MACROD2: variants seen among roughly 807,000 people sequenced by gnomAD.
The protein encoded by MACROD2 is ADP-ribose glycohydrolase MACROD2.
In MACROD2, 36 loss-of-function variants were observed where a neutral mutation model predicts 70.4. The ratio of observed to expected loss-of-function variants is 0.51; its 90% confidence interval spans 0.39 to 0.68. The LOEUF (loss-of-function observed/expected upper bound fraction) is 0.68, where lower values mean the gene tolerates loss of function less well. Ranked by LOEUF, MACROD2 falls within the 30% of genes least tolerant of loss-of-function variation. The pLI, the probability that MACROD2 is intolerant of heterozygous loss-of-function variation, is 0.00. For missense variants in MACROD2, 496 were observed against 538.4 expected (o/e 0.92, Z 0.78); for synonymous variants, 172 against 178.8 (o/e 0.96, Z 0.30).
chr20:14,488,179 CAAGTT>C (rs532055128), intron 3 of MACROD2, among the ~76,000 whole-genome samples: 1 of 152,160 alleles, frequency 6.6e-6, no homozygotes, highest in Non-Finnish European at 1.5e-5. Flanking sequence ...TTGTCAAAGA[CAAGTT>C]AAAACTGCTG....
At position 14,066,284 on chromosome 20, in the gene MACROD2, C is replaced by T. The variant is rs150199362; in HGVS notation, c.164-19337C>T. 2.0e-3 allele frequency among the ~76,000 whole-genome samples: 306 copies of T among 152,220 alleles called. 1 individual carries two copies. The highest frequency in any genetic ancestry group is 6.8e-3 in the African/African-American group (281 of 41,536). On this transcript the variant is annotated intron_variant, in intron 2 of 17. Transcript: ENST00000684519. ...CTTAAGCATAAACACATTCTGTAAT[C>T]AATCAATTCTATATTTATTGGGCAT...
At chr20:14,476,392 G>A (rs886803793) in intron 3 of MACROD2, among the ~76,000 whole-genome samples, 3 of 152,256 alleles carry the variant, frequency 2.0e-5, no homozygotes, top group African/African-American at 7.2e-5. Context: ...GTCTCCCTCT[G>A]TCACCCAGGC....
intron 5 of MACROD2, among the ~76,000 whole-genome samples, chr20:15,001,181 A>G (rs537737354): frequency 4.9e-4 from 74 of 152,294 alleles, no homozygotes; most frequent in African/African-American, 1.6e-3. Flanking sequence ...GGGAAATGCA[A>G]GGACCCAGAA....
At chr20:14,864,728 A>C (rs984608421) in intron 5 of MACROD2, among the ~76,000 whole-genome samples, 10 of 152,120 alleles carry the variant, frequency 6.6e-5, no homozygotes, top group Non-Finnish European at 1.5e-4. Context: ...CTGAGAAAGC[A>C]GTGGCTCTGA....
At chr20:15,405,632 T>C (rs1345339417) in intron 6 of MACROD2, among the ~76,000 whole-genome samples, 1 of 152,198 alleles carries the variant, frequency 6.6e-6, no homozygotes, top group Non-Finnish European at 1.5e-5. Flanking sequence ...TACTCCTTTC[T>C]GTGGGAATCC....
At chr20:15,388,723 G>A (rs538407381) in intron 6 of MACROD2, among the ~76,000 whole-genome samples, 1 of 152,142 alleles carries the variant, frequency 6.6e-6, no homozygotes, top group Non-Finnish European at 1.5e-5. Context: ...AGGAGATTCA[G>A]GTAGACAGCT....
At chr20:14,533,810 G>A (rs2085333997) in intron 4 of MACROD2, among the ~76,000 whole-genome samples, 1 of 152,112 alleles carries the variant, frequency 6.6e-6, no homozygotes, top group Non-Finnish European at 1.5e-5. Context: ...TCACAGTCCA[G>A]GTAAAGAATT....
At chr20:14,215,218 A>G (rs2081608311) in intron 3 of MACROD2, among the ~76,000 whole-genome samples, 1 of 145,862 alleles carries the variant, frequency 6.9e-6, no homozygotes, top group South Asian at 2.1e-4. Flanking sequence ...CATCATATAT[A>G]TATTTTCCAT....
intron 2 of MACROD2, among the ~76,000 whole-genome samples, chr20:14,044,868 G>C (rs536422407): frequency 2.6e-5 from 4 of 152,190 alleles, no homozygotes; most frequent in East Asian, 1.9e-4. Context: ...ACTGGGTGCC[G>C]TAGAGCAGGG....
At chr20:14,277,485 C>T (rs2082269675) in intron 3 of MACROD2, among the ~76,000 whole-genome samples, 1 of 151,976 alleles carries the variant, frequency 6.6e-6, no homozygotes. Flanking sequence ...AAAATGGTTT[C>T]CAAAAAGCTA....
At position 14,547,203 on chromosome 20, in the gene MACROD2, T is replaced by G. The variant is rs887355108; in HGVS notation, c.301+53695T>G. ...GCCTGGCTCAATTAATCTTATAGGA[T>G]GTAAGCAGTGCTGCATCAACTGGCT... On this transcript the variant is annotated intron_variant, in intron 4 of 17. Transcript: ENST00000684519. 3 of 493,658 alleles carry G rather than the reference T, an allele frequency of 6.1e-6. No homozygotes were observed. The African/African-American group carries it at 6.2e-5, about 10-fold the overall frequency. The allele number at this position is 493,658 out of a possible 1,614,324, so 30.6% of individuals were successfully genotyped here. A position where few individuals can be genotyped will look rare whatever the true frequency, so the allele number is the denominator to read the frequency against.
intron 5 of MACROD2, among the ~76,000 whole-genome samples, chr20:15,117,241 T>C (rs2075997854): frequency 6.6e-6 from 1 of 152,130 alleles, no homozygotes; most frequent in South Asian, 2.1e-4. Context: ...GAAGAGTAGA[T>C]TTTTGAAAGT....
intron 3 of MACROD2, among the ~76,000 whole-genome samples, chr20:14,198,956 T>A (rs2081456386): frequency 6.6e-6 from 1 of 152,158 alleles, no homozygotes. Context: ...AATTTCTCTC[T>A]TACCTTCTCG....
chr20:16,020,829 T>C (rs2066991852), intron 15 of MACROD2, among the ~76,000 whole-genome samples: 1 of 152,066 alleles, frequency 6.6e-6, no homozygotes, highest in Non-Finnish European at 1.5e-5. Flanking sequence ...TCGGCTCTGG[T>C]CACAGTCAGC....
At chr20:15,577,183 C>G (rs2048459878) in intron 8 of MACROD2, among the ~76,000 whole-genome samples, 1 of 151,770 alleles carries the variant, frequency 6.6e-6, no homozygotes. Flanking sequence ...CAGAAGCAAT[C>G]ACTCTTTTTT....
chr20:15,710,719 G>GA (rs2050614215), intron 8 of MACROD2, among the ~76,000 whole-genome samples: 2 of 152,204 alleles, frequency 1.3e-5, no homozygotes, highest in Admixed American at 6.5e-5. Context: ...GCATAAACCT[G>GA]AAAAAAGCAA....
At chr20:15,124,420 G>T (rs2076052210) in intron 5 of MACROD2, among the ~76,000 whole-genome samples, 2 of 146,802 alleles carry the variant, frequency 1.4e-5, no homozygotes, top group Middle Eastern at 3.6e-3. Flanking sequence ...AAAGTCATTT[G>T]GTCATCTGTT....
At chr20:14,425,454 A>G (rs1382383876) in intron 3 of MACROD2, among the ~76,000 whole-genome samples, 1 of 152,234 alleles carries the variant, frequency 6.6e-6, no homozygotes, top group Non-Finnish European at 1.5e-5. Flanking sequence ...AACTAGACAT[A>G]TAACAGCTAC....
intron 4 of MACROD2, among the ~76,000 whole-genome samples, chr20:14,579,036 AC>A (rs1234619096): frequency 6.6e-6 from 1 of 151,166 alleles, no homozygotes; most frequent in Non-Finnish European, 1.5e-5. Context: ...CCTACATTTT[AC>A]CATTTCATTC....
Sources: allele counts gnomAD v4.1 joint callset (sites outside exome capture counted in the v4.1 genomes callset), GRCh38; gene constraint gnomAD v4.1.1; transcripts MANE v1.5; gene names NCBI Gene and HGNC (gene_info 2026-07-23, HGNC 2026-07-21).